Variants in CBLN2 observed in about 807,000 individuals in gnomAD.
CBLN2 encodes cerebellin-2.
In CBLN2, 7 loss-of-function variants were observed where a neutral mutation model predicts 15.0. That is an observed-to-expected ratio of 0.47 (90% CI 0.27 to 0.88). The LOEUF (loss-of-function observed/expected upper bound fraction) is 0.88, where lower values mean the gene tolerates loss of function less well. Ranked by LOEUF, CBLN2 falls within the 40% of genes least tolerant of loss-of-function variation. CBLN2 has a pLI of 0.14. For synonymous variants in CBLN2, 149 were observed against 135.2 expected (o/e 1.10, Z -0.71); for missense variants, 242 against 304.5 (o/e 0.79, Z 1.53).
In CBLN2 at chr18:72,570,745, G is replaced by T. The variant is rs538831507; in HGVS notation, c.16-31973C>A. Among the ~76,000 whole-genome samples, 4 of 152,222 alleles carry T rather than the reference G, an allele frequency of 2.6e-5. No homozygotes were observed. In the South Asian group the frequency reaches 6.2e-4, roughly 24 times the overall value. ...TGAAACTCATGACACAAAGTAAACTGCAGAAAAGGAGATAGGTTTCCAGTA... is the reference window on the plus strand; with the variant it reads ...TGAAACTCATGACACAAAGTAAACTTCAGAAAAGGAGATAGGTTTCCAGTA... On this transcript the variant is annotated intron_variant, in intron 1 of 2. Transcript: ENST00000581073.
intron 1 of CBLN2, among the ~76,000 whole-genome samples, chr18:72,560,110 C>G (rs1329166060): frequency 2.0e-5 from 3 of 152,184 alleles, no homozygotes; most frequent in Admixed American, 2.0e-4. Flanking sequence ...TTGCTGCTCA[C>G]TGACAGGCCT....
chr18:72,595,298 A>G (rs1169246414), intron 1 of CBLN2, among the ~76,000 whole-genome samples: 1 of 152,042 alleles, frequency 6.6e-6, no homozygotes, highest in Non-Finnish European at 1.5e-5. Flanking sequence ...CTGGTCATTC[A>G]GGAGCATATT....
chr18:72,544,485 G>A (rs1454738871), upstream of CBLN2: 1 of 152,242 alleles, frequency 6.6e-6, no homozygotes, highest in African/African-American at 2.4e-5. Flanking sequence ...CGCCACCTGC[G>A]GGTGCCCGGG....
chr18:72,591,220 T>C (rs1415776391), intron 1 of CBLN2, among the ~76,000 whole-genome samples: 6 of 152,200 alleles, frequency 3.9e-5, no homozygotes, highest in African/African-American at 1.2e-4. Context: ...TGCTGACTTA[T>C]TAACTTATTT....
chr18:72,599,063 G>C (rs1321282434), intron 1 of CBLN2, among the ~76,000 whole-genome samples: 2 of 152,116 alleles, frequency 1.3e-5, no homozygotes, highest in Non-Finnish European at 2.9e-5. Context: ...GTTTTTCCCT[G>C]TAAATAGGAT....
intron 2 of CBLN2, chr18:72,542,959 G>A (rs998597901): frequency 8.0e-5 from 9 of 113,050 alleles, no homozygotes; most frequent in Admixed American, 3.8e-4. Context: ...ACACACACAC[G>A]GGCAGTAAAG....
Position 72,537,143 on chromosome 18 carries a change from A to G in CBLN2, c.*1033T>C, listed in dbSNP as rs2069068991. 1 of 152,152 alleles carries G rather than the reference A, an allele frequency of 6.6e-6. No homozygotes were observed. Among genetic ancestry groups the G allele is most frequent in the Non-Finnish European group, 1.5e-5 (1 of 68,032 alleles). The allele number at this position is 152,152 out of a possible 1,614,324, so 9.4% of individuals were successfully genotyped here. On this transcript the variant is annotated 3_prime_UTR_variant, in exon 5 of 5. Coordinates refer to ENST00000269503, the MANE Select transcript of CBLN2 (RefSeq NM_182511.4). The stretch of plus-strand genomic sequence containing the variant: ...AGAAGTCACAGCACACGTGGCAAAG[A>G]CATAGTATGTTTAGGGGACTTGGTC...
intron 1 of CBLN2, among the ~76,000 whole-genome samples, chr18:72,631,233 T>C (rs1312422549): frequency 6.6e-6 from 1 of 152,164 alleles, no homozygotes; most frequent in African/African-American, 2.4e-5. Context: ...TATGGGAATA[T>C]ATCAACTCAG....
At chr18:72,603,953 A>T (rs770426062) in intron 1 of CBLN2, among the ~76,000 whole-genome samples, 2 of 152,218 alleles carry the variant, frequency 1.3e-5, no homozygotes, top group Non-Finnish European at 2.9e-5. Context: ...AGCACAGTCT[A>T]CGCTAGGAGC....
intron 1 of CBLN2, among the ~76,000 whole-genome samples, chr18:72,607,422 T>C (rs1228251225): frequency 6.6e-6 from 1 of 152,192 alleles, no homozygotes; most frequent in African/African-American, 2.4e-5. Context: ...GCATCTTTTC[T>C]AAGGAGAAAG....
At chr18:72,590,238 C>G (rs1170424843) in intron 1 of CBLN2, among the ~76,000 whole-genome samples, 1 of 149,716 alleles carries the variant, frequency 6.7e-6, no homozygotes, top group Non-Finnish European at 1.5e-5. Context: ...GCACTCCAGC[C>G]TGGGTGACAG....
At chr18:72,577,015 T>C (rs1299470373) in intron 1 of CBLN2, among the ~76,000 whole-genome samples, 2 of 102,844 alleles carry the variant, frequency 1.9e-5, no homozygotes, top group South Asian at 2.4e-4. Flanking sequence ...TTTATATATA[T>C]AATGTGATAT....
intron 1 of CBLN2, among the ~76,000 whole-genome samples, chr18:72,578,427 T>C (rs1483764873): frequency 6.6e-6 from 1 of 152,126 alleles, no homozygotes; most frequent in Non-Finnish European, 1.5e-5. Context: ...AGTTGTGAAC[T>C]GTATGGCTTG....
upstream of CBLN2, among the ~76,000 whole-genome samples, chr18:72,548,141 A>G (rs940060254): frequency 1.3e-5 from 2 of 152,176 alleles, no homozygotes; most frequent in African/African-American, 4.8e-5. Flanking sequence ...CAGAGTTGAG[A>G]GGACTCCTTG....
At chr18:72,597,558 C>T (rs2069521089) in intron 1 of CBLN2, among the ~76,000 whole-genome samples, 1 of 152,190 alleles carries the variant, frequency 6.6e-6, no homozygotes, top group South Asian at 2.1e-4. Context: ...TGCCTATGTT[C>T]ACTCAAGGCC....
At chr18:72,547,315 A>C (rs1241678562), upstream of CBLN2, among the ~76,000 whole-genome samples, 2 of 151,788 alleles carry the variant, frequency 1.3e-5, no homozygotes, top group Non-Finnish European at 3.0e-5. Context: ...ACACGAACAA[A>C]GAGAGCAGAA....
rs1324806431 is a variant in CBLN2 at position 72,537,484 on chromosome 18, G to A, written c.*692C>T. The stretch of plus-strand genomic sequence containing the variant: ...ACCCCAGCAAGAAAAATAAAAGTGG[G>A]GTTGAGGAGGGAGAGCTGAGTGTGG... On this transcript the variant is annotated 3_prime_UTR_variant, in exon 5 of 5. Transcript: ENST00000269503. 1 of 152,516 alleles carries A rather than the reference G, an allele frequency of 6.6e-6. No homozygotes were observed. Among genetic ancestry groups the A allele is most frequent in the East Asian group, 1.9e-4 (1 of 5,186 alleles). 9.4% of individuals were successfully genotyped at this position (152,516 alleles called of 1,614,324 possible). A position where few individuals can be genotyped will look rare whatever the true frequency, so the allele number is the denominator to read the frequency against.
chr18:72,551,276 G>A (rs1243437126), intron 1 of CBLN2, among the ~76,000 whole-genome samples: 1 of 152,058 alleles, frequency 6.6e-6, no homozygotes, highest in African/African-American at 2.4e-5. Flanking sequence ...ATGAAATGAA[G>A]AGAAAATTGT....
In CBLN2 at chr18:72,543,170, G is replaced by A. The variant is rs1391687280; in HGVS notation, c.-167+316C>T. 1.6e-5 allele frequency: 4 copies of A among 257,606 alleles called. No individual in the cohort carries two copies. The highest frequency in any genetic ancestry group is 5.5e-5 in the Admixed American group (1 of 18,206). 16.0% of individuals were successfully genotyped at this position (257,606 alleles called of 1,614,324 possible). Reference sequence around the variant, plus strand: ...CCCCTGCAGGTTTCTGCGAACTTACGCGCCCGTCTGCACTTTTGCCCCGTC... The same window carrying A: ...CCCCTGCAGGTTTCTGCGAACTTACACGCCCGTCTGCACTTTTGCCCCGTC... On this transcript the variant is annotated intron_variant, in intron 2 of 4. Transcript: ENST00000269503. The surrounding 1 kb of genome is among the most constrained non-coding windows in gnomAD (Gnocchi z 6.8).
Sources: allele counts gnomAD v4.1 joint callset (sites outside exome capture counted in the v4.1 genomes callset), GRCh38; gene constraint gnomAD v4.1.1; non-coding constraint Gnocchi (gnomAD v3.1); transcripts MANE v1.5; gene names NCBI Gene and HGNC (gene_info 2026-07-23, HGNC 2026-07-21).